The following SEMA3A variants were observed in gnomAD, a reference collection of about 807,000 sequenced individuals.
SEMA3A encodes the protein semaphorin-3A.
Under a neutral mutation model 97.9 loss-of-function variants are expected in SEMA3A, and 29 were observed. The observed-to-expected ratio is 0.30, with a 90% CI of 0.22 to 0.40. The LOEUF (loss-of-function observed/expected upper bound fraction) is 0.40. SEMA3A is among the 10% of genes least tolerant of loss of function. The pLI, the probability that SEMA3A is intolerant of heterozygous loss-of-function variation, is 1.00. For missense variants in SEMA3A, 763 were observed against 951.3 expected, an observed-to-expected ratio of 0.80 and a Z score of 2.60; for synonymous variants, 321 against 323.7, an observed-to-expected ratio of 0.99 and a Z score of 0.09.
intron 1 of SEMA3A, among the ~76,000 whole-genome samples, chr7:84,149,338 A>G (rs1796558333): frequency 6.6e-6 from 1 of 152,196 alleles, no homozygotes; most frequent in South Asian, 2.1e-4. Context: ...CAATTGGGTC[A>G]TATTTAGAAA....
At chr7:84,292,672 A>G (rs1700321514) in intron 3 of SEMA3A, among the ~76,000 whole-genome samples, 1 of 152,082 alleles carries the variant, frequency 6.6e-6, no homozygotes, top group African/African-American at 2.4e-5. Flanking sequence ...CTCCCCAACA[A>G]ACTTTACCAC....
chr7:84,409,288 TACC>T (rs944784831), intron 1 of SEMA3A, among the ~76,000 whole-genome samples: 112 of 151,794 alleles, frequency 7.4e-4, no homozygotes, highest in African/African-American at 2.5e-3. Context: ...TGTATCAAAA[TACC>T]ACATGTACCC....
chr7:84,111,458 C>A (rs1266532831), intron 3 of SEMA3A, among the ~76,000 whole-genome samples: 1 of 151,894 alleles, frequency 6.6e-6, no homozygotes, highest in Non-Finnish European at 1.5e-5. Flanking sequence ...TCTATACTTG[C>A]AGCTGATTAT....
At chr7:84,331,847 A>G (rs1801917926) in intron 2 of SEMA3A, among the ~76,000 whole-genome samples, 1 of 152,154 alleles carries the variant, frequency 6.6e-6, no homozygotes, top group Admixed American at 6.6e-5. Context: ...GGAAGGCAGG[A>G]AAGTCCAATC....
At chr7:84,116,769 C>T (rs1795446980) in intron 3 of SEMA3A, among the ~76,000 whole-genome samples, 1 of 152,168 alleles carries the variant, frequency 6.6e-6, no homozygotes. Flanking sequence ...AGAGGAGGCT[C>T]AGAGGAACTC....
intron 1 of SEMA3A, among the ~76,000 whole-genome samples, chr7:84,138,319 G>C (rs1215288284): frequency 3.3e-5 from 5 of 151,832 alleles, no homozygotes; most frequent in African/African-American, 4.8e-5. Context: ...TATGTTCTTT[G>C]ATTTACACTA....
At chr7:84,099,335 G>T (rs539618229) in intron 4 of SEMA3A, among the ~76,000 whole-genome samples, 1 of 55,100 alleles carries the variant, frequency 1.8e-5, no homozygotes, top group South Asian at 4.5e-4. Context: ...CTCCCAAAGT[G>T]CTGGGATTAC....
chr7:84,413,350 G>A (rs1478930169), intron 1 of SEMA3A, among the ~76,000 whole-genome samples: 1 of 152,130 alleles, frequency 6.6e-6, no homozygotes, highest in East Asian at 1.9e-4. Context: ...AAAGCAGGCC[G>A]AGTGTGGTGC....
chr7:84,452,545 C>T (rs1805585787), intron 1 of SEMA3A, among the ~76,000 whole-genome samples: 1 of 152,282 alleles, frequency 6.6e-6, no homozygotes, highest in South Asian at 2.1e-4. Context: ...ATATGGTATG[C>T]TTCTTTTCCA....
chr7:83,977,788 C>CACT lies in SEMA3A; in HGVS notation c.1653-593_1653-592insAGT, dbSNP rs1562950424. Among the ~76,000 whole-genome samples the CACT allele has an allele frequency of 7.1e-3, 1,004 of 141,092 alleles. 15 individuals are homozygous for CACT. Among genetic ancestry groups the CACT allele is most frequent in the African/African-American group, 0.024 (925 of 38,448 alleles). The allele number at this position is 141,092 out of a possible 152,430, so 92.6% of individuals were successfully genotyped here. A position where few individuals can be genotyped will look rare whatever the true frequency, so the allele number is the denominator to read the frequency against. ...TTCTTGGTTATTGTATCAACCTATC[C>CACT]TTTTTTTTTTTCTTTCTTTCTTTTT... On this transcript the variant is annotated intron_variant, in intron 14 of 16. Coordinates refer to ENST00000265362, the MANE Select transcript of SEMA3A (RefSeq NM_006080.3).
chr7:83,997,837 A>G (rs1024490553), intron 12 of SEMA3A, among the ~76,000 whole-genome samples: 13 of 151,910 alleles, frequency 8.6e-5, no homozygotes, highest in African/African-American at 3.1e-4. Context: ...CCTGGGTTCA[A>G]GTGATTATTG....
At chr7:84,376,112 C>G (rs1803089929) in intron 1 of SEMA3A, among the ~76,000 whole-genome samples, 1 of 152,126 alleles carries the variant, frequency 6.6e-6, no homozygotes, top group South Asian at 2.1e-4. Context: ...AACGCTTGGG[C>G]TGATTCCATA....
intron 6 of SEMA3A, among the ~76,000 whole-genome samples, chr7:84,024,846 G>C (rs1364791818): frequency 6.6e-6 from 1 of 152,128 alleles, no homozygotes; most frequent in Non-Finnish European, 1.5e-5. Context: ...CCAGAACTTT[G>C]GGAGGCCGAG....
chr7:84,236,647 T>C (rs900205656), intron 3 of SEMA3A, among the ~76,000 whole-genome samples: 1 of 152,142 alleles, frequency 6.6e-6, no homozygotes, highest in Admixed American at 6.6e-5. Context: ...GACTTTTCCA[T>C]CTATGATATT....
intron 5 of SEMA3A, among the ~76,000 whole-genome samples, chr7:84,055,096 G>A (rs989226430): frequency 3.9e-5 from 6 of 151,944 alleles, no homozygotes; most frequent in Non-Finnish European, 5.9e-5. Flanking sequence ...GAGAACCACT[G>A]CTCTCTTCAA....
At chr7:84,196,721 C>T (rs1163398733), upstream of SEMA3A, among the ~76,000 whole-genome samples, 8 of 152,182 alleles carry the variant, frequency 5.3e-5, no homozygotes, top group South Asian at 1.0e-3. Context: ...TATAGACATT[C>T]ATTCTGCAGA....
chr7:84,429,823 G>A (rs1804933804), intron 1 of SEMA3A, among the ~76,000 whole-genome samples: 1 of 151,478 alleles, frequency 6.6e-6, no homozygotes. Context: ...TTTACTGTAA[G>A]GAAAAATGTT....
At chr7:84,122,659 C>G (rs1266751888) in intron 3 of SEMA3A, among the ~76,000 whole-genome samples, 1 of 152,018 alleles carries the variant, frequency 6.6e-6, no homozygotes, top group East Asian at 1.9e-4. Flanking sequence ...ATTGAAAGTT[C>G]ATGTCAAATT....
intron 1 of SEMA3A, among the ~76,000 whole-genome samples, chr7:84,158,953 G>T (rs2116156109): frequency 6.6e-6 from 1 of 152,024 alleles, no homozygotes; most frequent in Admixed American, 6.6e-5. Flanking sequence ...ATAGGTCACA[G>T]CTCAGCCCTA....
Sources: gnomAD v4.1 joint callset for allele counts (sites outside exome capture counted in the v4.1 genomes callset) on GRCh38, gnomAD v4.1.1 for gene constraint, MANE v1.5 for transcripts, NCBI Gene and HGNC (gene_info 2026-07-23, HGNC 2026-07-21) for gene names.